CDH23: variants seen among roughly 807,000 people sequenced by gnomAD.
The protein encoded by CDH23 is cadherin-23.
CDH23 carries 189 observed loss-of-function variants against 317.1 expected under a neutral mutation model. The observed-to-expected ratio is 0.60, with a 90% CI of 0.53 to 0.67. The LOEUF (loss-of-function observed/expected upper bound fraction) is 0.67, where lower values mean the gene tolerates loss of function less well. CDH23 is among the 30% of genes least tolerant of loss of function. The pLI, the probability that CDH23 is intolerant of heterozygous loss-of-function variation, is 0.00. For missense variants in CDH23, 4,401 were observed against 4,592.4 expected (o/e 0.96, Z 1.20); for synonymous variants, 1,839 against 1,876.8 (o/e 0.98, Z 0.52).
intron 3 of CDH23, among the ~76,000 whole-genome samples, chr10:71,447,917 A>G (rs1266954848): frequency 1.3e-5 from 2 of 152,188 alleles, no homozygotes; most frequent in Non-Finnish European, 2.9e-5. Flanking sequence ...CACACAGTGC[A>G]TGTGTCTAGG....
intron 30 of CDH23, among the ~76,000 whole-genome samples, chr10:71,729,054 C>T (rs1445230634): frequency 1.3e-5 from 2 of 152,042 alleles, no homozygotes; most frequent in African/African-American, 2.4e-5. Context: ...AGGCTGGTCT[C>T]GAATGCCTGG....
chr10:71,716,486 C>G, intron 28 of CDH23: 2 of 635,662 alleles, frequency 3.1e-6, no homozygotes, highest in Non-Finnish European at 5.3e-6. Context: ...CAGGTTAAGA[C>G]AGCAAGGTCC....
At chr10:71,457,326 C>T (rs1241961316) in intron 3 of CDH23, among the ~76,000 whole-genome samples, 1 of 152,210 alleles carries the variant, frequency 6.6e-6, no homozygotes, top group Non-Finnish European at 1.5e-5. Context: ...TTAACCCTTA[C>T]AGTGATGACA....
rs78255004 is a variant in CDH23 at position 71,568,107 on chromosome 10, A to C, written c.624+1171A>C. Among the ~76,000 whole-genome samples the C allele has an allele frequency of 1.1e-3, 175 of 152,346 alleles. 1 individual carries two copies. The highest frequency in any genetic ancestry group is 4.1e-3 in the African/African-American group (172 of 41,586). ...AGAGAGAGGCCTCAAGACCCAGGAAATGCGAACTTCTTGTTTGGCCCTGGC... is the reference window on the plus strand; with the variant it reads ...AGAGAGAGGCCTCAAGACCCAGGAACTGCGAACTTCTTGTTTGGCCCTGGC... On this transcript the variant is annotated intron_variant, in intron 7 of 69. Coordinates refer to ENST00000224721, the MANE Select transcript of CDH23 (RefSeq NM_022124.6).
intron 53 of CDH23, 127 bp downstream of exon 53, chr10:71,800,882 G>C (rs937694072): frequency 4.5e-6 from 6 of 1,322,328 alleles, no homozygotes; most frequent in Non-Finnish European, 6.2e-6. Context: ...GAGACACAGT[G>C]ACAGAAAGGA....
At chr10:71,676,175 G>C (rs1363819883) in intron 15 of CDH23, among the ~76,000 whole-genome samples, 1 of 151,202 alleles carries the variant, frequency 6.6e-6, no homozygotes, top group African/African-American at 2.4e-5. Flanking sequence ...CCCAAGTGCT[G>C]GGATTACAGG....
At chr10:71,554,848 A>C (rs1239181888) in intron 6 of CDH23, among the ~76,000 whole-genome samples, 2 of 152,154 alleles carry the variant, frequency 1.3e-5, no homozygotes, top group Non-Finnish European at 2.9e-5. Context: ...TCCTGGATGG[A>C]AACACTGAGG....
chr10:71,746,602 C>T (rs80005036), intron 38 of CDH23, among the ~76,000 whole-genome samples: 3,716 of 152,230 alleles, frequency 0.024, 90 homozygotes, highest in East Asian at 0.098. Flanking sequence ...TCAGGGAGGC[C>T]CCTGCAAAGG....
chr10:71,695,691 G>C (rs1865361096), intron 22 of CDH23, among the ~76,000 whole-genome samples, 166 bp downstream of exon 22: 1 of 152,226 alleles, frequency 6.6e-6, no homozygotes, highest in African/African-American at 2.4e-5. Flanking sequence ...ATGGTGAAAG[G>C]CAGTCAGAGG....
intron 14 of CDH23, among the ~76,000 whole-genome samples, chr10:71,668,305 G>A (rs1589313973): frequency 6.6e-6 from 1 of 152,212 alleles, no homozygotes; most frequent in South Asian, 2.1e-4. Context: ...CAAACTGCCT[G>A]TGGGGGCCCA....
intron 48 of CDH23, chr10:71,795,533 G>A (rs548707412): frequency 6.6e-6 from 1 of 152,392 alleles, no homozygotes; most frequent in African/African-American, 2.4e-5. Context: ...TCTTTCCAGT[G>A]TCTTCTCTGC....
chr10:71,609,259 C>T (rs990465798), intron 9 of CDH23, among the ~76,000 whole-genome samples: 1 of 151,876 alleles, frequency 6.6e-6, no homozygotes, highest in African/African-American at 2.4e-5. Flanking sequence ...GACCTTCTAC[C>T]CCCTGCTGCA....
intron 47 of CDH23, among the ~76,000 whole-genome samples, chr10:71,791,559 CTTTCTTTTTCT>C (rs899198341): frequency 6.6e-6 from 1 of 151,686 alleles, no homozygotes; most frequent in Non-Finnish European, 1.5e-5. Flanking sequence ...TTTTTCCTTT[CTTTCTTTTTCT>C]TTTCTTTTCT....
chr10:71,808,828 GCT>G (rs779033837), intron 60 of CDH23, among the ~76,000 whole-genome samples: 8 of 152,100 alleles, frequency 5.3e-5, no homozygotes, highest in Non-Finnish European at 7.3e-5. Flanking sequence ...CCCACGGCCT[GCT>G]CTCTCCCATT....
chr10:71,754,465 G>A (rs553116830), intron 38 of CDH23, among the ~76,000 whole-genome samples: 15 of 152,202 alleles, frequency 9.9e-5, no homozygotes, highest in African/African-American at 3.4e-4. Flanking sequence ...CAGACGGGAA[G>A]AGGCCAGGGA....
intron 9 of CDH23, among the ~76,000 whole-genome samples, chr10:71,582,417 A>G (rs1858704765): frequency 6.6e-6 from 1 of 152,168 alleles, no homozygotes; most frequent in Admixed American, 6.5e-5. Flanking sequence ...AAATGATAAT[A>G]TTTTGGATAT....
At chr10:71,571,835 C>A (rs1047493613) in intron 8 of CDH23, among the ~76,000 whole-genome samples, 4 of 152,226 alleles carry the variant, frequency 2.6e-5, no homozygotes, top group Non-Finnish European at 4.4e-5. Flanking sequence ...AGTGGGGCAC[C>A]CGCCTAAGGC....
chr10:71,607,868 A>G (rs1175086138), intron 9 of CDH23, among the ~76,000 whole-genome samples: 2 of 152,194 alleles, frequency 1.3e-5, no homozygotes, highest in Non-Finnish European at 2.9e-5. Flanking sequence ...AAGCCACCAC[A>G]CTCCAGCCTG....
rs945481607 is a variant in CDH23, at chr10:71,799,299, G to A, written c.7224+19G>A. The A allele has an allele frequency of 4.3e-6, 7 of 1,613,880 alleles. No individual in the cohort carries two copies. In the African/African-American group the frequency reaches 6.7e-5, roughly 15 times the overall value. On this transcript the variant is annotated intron_variant, in intron 51 of 69. Coordinates refer to ENST00000224721, the MANE Select transcript of CDH23 (RefSeq NM_022124.6). ...CTACCAGGTGGGTGGCCAGGCCACA[G>A]GCTGGGTCCAGGACCTGCGCCCATT...
Sources: allele counts gnomAD v4.1 joint callset (sites outside exome capture counted in the v4.1 genomes callset), GRCh38; gene constraint gnomAD v4.1.1; transcripts MANE v1.5; gene names NCBI Gene and HGNC (gene_info 2026-07-23, HGNC 2026-07-21).